CBLB: variants seen among roughly 807,000 people sequenced by gnomAD.
CBLB encodes the protein E3 ubiquitin-protein ligase CBL-B.
In CBLB, 31 loss-of-function variants were observed where a neutral mutation model predicts 104.9. That is an observed-to-expected ratio of 0.30 (90% CI 0.22 to 0.40). CBLB has a LOEUF of 0.40. CBLB is among the 10% of genes least tolerant of loss of function. The pLI is 1.00. For missense variants in CBLB, 1,062 were observed against 1,214.6 expected (o/e 0.87, Z 1.87); for synonymous variants, 440 against 422.6 (o/e 1.04, Z -0.51).
intron 4 of CBLB, among the ~76,000 whole-genome samples, chr3:105,756,329 G>C (rs1206722134): frequency 6.6e-6 from 1 of 151,918 alleles, no homozygotes; most frequent in Non-Finnish European, 1.5e-5. Flanking sequence ...TTTTATATTG[G>C]CTATATATAA....
chr3:105,706,039 G>T (rs1012413460), intron 10 of CBLB, among the ~76,000 whole-genome samples: 1 of 152,016 alleles, frequency 6.6e-6, no homozygotes, highest in East Asian at 1.9e-4. Flanking sequence ...CGACTCAAGA[G>T]GCTAAGGTAG....
intron 5 of CBLB, chr3:105,749,680 C>A: frequency 4.7e-6 from 1 of 214,472 alleles, no homozygotes; most frequent in Non-Finnish European, 9.9e-6. Context: ...TCTTCCTTGA[C>A]AAGGTGAAGA....
chr3:105,817,035 G>A (rs957738632), intron 3 of CBLB, among the ~76,000 whole-genome samples: 12 of 152,172 alleles, frequency 7.9e-5, no homozygotes, highest in Non-Finnish European at 1.5e-4. Context: ...GATTCCAGAT[G>A]AGTGGGAGAA....
chr3:105,770,814 G>A (rs2078789414), intron 4 of CBLB, among the ~76,000 whole-genome samples: 1 of 152,160 alleles, frequency 6.6e-6, no homozygotes, highest in African/African-American at 2.4e-5. Flanking sequence ...AGCACTGTGG[G>A]AGTGAGATCA....
intron 7 of CBLB, 33 bp downstream of exon 7, chr3:105,740,461 A>G (rs376917755): frequency 1.1e-5 from 18 of 1,611,976 alleles, no homozygotes; most frequent in South Asian, 8.8e-5. Context: ...TTCATGAATC[A>G]TAAGCACTCC....
chr3:105,662,466 GC>G (rs2063880811), intron 18 of CBLB, among the ~76,000 whole-genome samples: 1 of 152,098 alleles, frequency 6.6e-6, no homozygotes, highest in South Asian at 2.1e-4. Context: ...TTGCTCTAGT[GC>G]TACCATCCAT....
chr3:105,802,606 T>C (rs1011539013), intron 3 of CBLB, among the ~76,000 whole-genome samples: 1 of 152,182 alleles, frequency 6.6e-6, no homozygotes, highest in African/African-American at 2.4e-5. Flanking sequence ...CCTAAAAGCA[T>C]CTACCTATAA....
intron 17 of CBLB, among the ~76,000 whole-genome samples, chr3:105,675,335 T>G (rs2065481772): frequency 6.6e-6 from 1 of 152,136 alleles, no homozygotes. Context: ...TGAGTTAAAC[T>G]TTAGCATTTA....
chr3:105,681,317 G>T, intron 16 of CBLB, 162 bp downstream of exon 16: 1 of 659,570 alleles, frequency 1.5e-6, no homozygotes, highest in Non-Finnish European at 2.7e-6. Context: ...TGGAGTAATG[G>T]TCTCGTGAAC....
chr3:105,750,068 G>A (rs1487334878), intron 5 of CBLB, among the ~76,000 whole-genome samples: 1 of 151,378 alleles, frequency 6.6e-6, no homozygotes, highest in Non-Finnish European at 1.5e-5. Flanking sequence ...GCCCAGGCTG[G>A]AGTGCAGTGA....
intron 12 of CBLB, among the ~76,000 whole-genome samples, chr3:105,694,814 C>T (rs1354145216): frequency 2.6e-5 from 4 of 151,672 alleles, no homozygotes; most frequent in Non-Finnish European, 4.4e-5. Flanking sequence ...GTAGCCATAC[C>T]ATGACAAAAT....
intron 3 of CBLB, among the ~76,000 whole-genome samples, chr3:105,806,479 C>CAA (rs367966052): frequency 0.021 from 2,589 of 125,046 alleles, 151 homozygotes; most frequent in African/African-American, 0.068. Context: ...ACTAAAACCT[C>CAA]AAAAAAAAAA....
intron 6 of CBLB, among the ~76,000 whole-genome samples, chr3:105,741,534 C>T (rs1232661269): frequency 6.6e-6 from 1 of 152,012 alleles, no homozygotes; most frequent in East Asian, 1.9e-4. Context: ...TAGCTGGGAC[C>T]ACAGGTGCCC....
chr3:105,702,537 T>C, intron 11 of CBLB, 78 bp from the exon 12 acceptor site: 4 of 1,369,478 alleles, frequency 2.9e-6, no homozygotes, highest in Non-Finnish European at 3.9e-6. Flanking sequence ...ACTTCCAAAC[T>C]AGTGTATTAT....
Position 105,665,687 on chromosome 3 carries a change from A to G in CBLB, c.2689+4546T>C, listed in dbSNP as rs900638862. ...AACATGAATATTTATATTTTACTGCATAACTATATAAATACAATTATATAT... is the reference window on the plus strand; with the variant it reads ...AACATGAATATTTATATTTTACTGCGTAACTATATAAATACAATTATATAT... On this transcript the variant is annotated intron_variant, in intron 18 of 18. Transcript: ENST00000394030. 3.4e-5 allele frequency among the ~76,000 whole-genome samples: 5 copies of G among 148,420 alleles called. No individual in the cohort carries two copies. In the East Asian group the frequency reaches 7.8e-4, roughly 23 times the overall value.
intron 18 of CBLB, among the ~76,000 whole-genome samples, chr3:105,661,102 C>T (rs57735492): frequency 0.074 from 11,181 of 152,074 alleles, 571 homozygotes; most frequent in East Asian, 0.29. Context: ...CACGTCCGGC[C>T]ATGATGACAG....
At chr3:105,832,159 C>G (rs1159357133) in intron 3 of CBLB, among the ~76,000 whole-genome samples, 1 of 151,938 alleles carries the variant, frequency 6.6e-6, no homozygotes, top group African/African-American at 2.4e-5. Flanking sequence ...CAGATGTGTA[C>G]CATAAAAAGA....
chr3:105,817,086 G>A (rs1282475870), intron 3 of CBLB, among the ~76,000 whole-genome samples: 1 of 152,160 alleles, frequency 6.6e-6, no homozygotes, highest in Non-Finnish European at 1.5e-5. Flanking sequence ...GCATGAAAAT[G>A]AGAAGAAGAC....
At chr3:105,850,147 C>T (rs1198971042) in intron 3 of CBLB, among the ~76,000 whole-genome samples, 1 of 152,028 alleles carries the variant, frequency 6.6e-6, no homozygotes, top group African/African-American at 2.4e-5. Context: ...CCCAAAGTTA[C>T]ATAATTGGTT....
Sources: allele counts gnomAD v4.1 joint callset (sites outside exome capture counted in the v4.1 genomes callset), GRCh38; gene constraint gnomAD v4.1.1; transcripts MANE v1.5; gene names NCBI Gene and HGNC (gene_info 2026-07-23, HGNC 2026-07-21).